RAX: variants seen among roughly 807,000 people sequenced by gnomAD.
The protein encoded by RAX is retinal homeobox protein Rx.
Under a neutral mutation model 17.4 loss-of-function variants are expected in RAX, and 11 were observed. That is an observed-to-expected ratio of 0.63 (90% CI 0.40 to 1.05). The LOEUF (loss-of-function observed/expected upper bound fraction) is 1.05, where lower values mean the gene tolerates loss of function less well. Ranked by LOEUF, RAX falls within the 50% of genes least tolerant of loss-of-function variation. RAX has a pLI of 0.00. For synonymous variants in RAX, 276 were observed against 254.7 expected, an observed-to-expected ratio of 1.08 and a Z score of -0.80; for missense variants, 527 against 501.1, an observed-to-expected ratio of 1.05 and a Z score of -0.49.
chr18:59,272,157 C>A (rs1433547769), intron 2 of RAX, among the ~76,000 whole-genome samples: 1 of 152,234 alleles, frequency 6.6e-6, no homozygotes, highest in Non-Finnish European at 1.5e-5. Flanking sequence ...AAGGGGAGCT[C>A]GTACTACAAA....
At position 59,268,679 on chromosome 18, in the gene RAX, A is replaced by C; in HGVS notation, c.*325T>G. ...GGGAATGGCCAAGTTTAGGAGCTTCAGCCTGTTTGGGCCTGGAGGCTCCAG... is the reference window on the plus strand; with the variant it reads ...GGGAATGGCCAAGTTTAGGAGCTTCCGCCTGTTTGGGCCTGGAGGCTCCAG... On this transcript the variant is annotated 3_prime_UTR_variant, in exon 3 of 3. Transcript: ENST00000334889. The surrounding 1 kb of genome is among the most constrained non-coding windows in gnomAD (Gnocchi z 4.4). 1 of 477,978 alleles carries C rather than the reference A, an allele frequency of 2.1e-6. No homozygotes were observed. Among genetic ancestry groups the C allele is most frequent in the Non-Finnish European group, 3.7e-6 (1 of 268,520 alleles). 29.6% of individuals were successfully genotyped at this position (477,978 alleles called of 1,614,324 possible).
At position 59,273,099 on chromosome 18, in the gene RAX, C is replaced by T; in HGVS notation, c.108G>A (p.Glu36=). The change falls in exon 1 of 3, where the codon GAG becomes GAA. Residue 36 remains glutamate (E), a synonymous_variant. Transcript: ENST00000334889. ...CGTCCTTGGTAAACCCCAGGATGGC[C>T]TCGATGCTGTGAAGTCGCGAGGTGC... ...GGSTSRLHSI[E]AILGFTKDDG... 1 of 1,535,136 alleles carries T rather than the reference C, an allele frequency of 6.5e-7. No homozygotes were observed. Among genetic ancestry groups the T allele is most frequent in the South Asian group, 1.2e-5 (1 of 84,034 alleles).
At position 59,273,102 on chromosome 18, in the gene RAX, G is replaced by C. The variant is rs758437978; in HGVS notation, c.105C>G (p.Ile35Met). Residue 35 changes from isoleucine to methionine, a missense_variant, in exon 1 of 3, where the codon ATC becomes ATG. Coordinates refer to ENST00000334889, the MANE Select transcript of RAX (RefSeq NM_013435.3). ...PGGSTSRLHS[I>M]EAILGFTKDD... Reference sequence around the variant, plus strand: ...CCTTGGTAAACCCCAGGATGGCCTCGATGCTGTGAAGTCGCGAGGTGCTCC... The same window carrying C: ...CCTTGGTAAACCCCAGGATGGCCTCCATGCTGTGAAGTCGCGAGGTGCTCC... 7 of 1,535,080 alleles carry C rather than the reference G, an allele frequency of 4.6e-6. No homozygotes were observed. The highest frequency in any genetic ancestry group is 6.1e-6 in the Non-Finnish European group (7 of 1,146,346).
chr18:59,267,842 T>C lies in RAX; in HGVS notation c.*1162A>G, dbSNP rs941798460. On this transcript the variant is annotated 3_prime_UTR_variant, in exon 3 of 3. Transcript: ENST00000334889. The stretch of plus-strand genomic sequence containing the variant: ...GCCGGCGCCAAAGAACTGCAGATAC[T>C]GTCCAGGGCACGCCCGCAAGAACTA... 1 of 152,126 alleles carries C rather than the reference T, an allele frequency of 6.6e-6. No homozygotes were observed. Among genetic ancestry groups the C allele is most frequent in the Non-Finnish European group, 1.5e-5 (1 of 68,022 alleles). The allele number at this position is 152,126 out of a possible 1,614,324, so 9.4% of individuals were successfully genotyped here.
rs2070285844 is a variant in RAX at position 59,267,252 on chromosome 18, T to C, written c.*1752A>G. On this transcript the variant is annotated 3_prime_UTR_variant, in exon 3 of 3. Coordinates refer to ENST00000334889, the MANE Select transcript of RAX (RefSeq NM_013435.3). ...GGGGTACACAGCCCTGGTTATGCAATAGCCTCTTAGACCCGCAGAGAAAGG... is the reference window on the plus strand; with the variant it reads ...GGGGTACACAGCCCTGGTTATGCAACAGCCTCTTAGACCCGCAGAGAAAGG... 1 of 152,220 alleles carries C rather than the reference T, an allele frequency of 6.6e-6. No individual in the cohort carries two copies. Among genetic ancestry groups the C allele is most frequent in the African/African-American group, 2.4e-5 (1 of 41,440 alleles). 9.4% of individuals were successfully genotyped at this position (152,220 alleles called of 1,614,324 possible).
Position 59,273,170 on chromosome 18 carries a change from C to G in RAX, c.37G>C (p.Gly13Arg), listed in dbSNP as rs936886267. Residue 13 changes from glycine to arginine, a missense_variant, in exon 1 of 3, where the codon GGG becomes CGG. Gly to Arg is a moderately radical substitution (Grantham distance 125). Transcript: ENST00000334889. ...LPGCAPAMAD[G>R]SFSLAGHLLR... ...AGGTGGCCGGCAAGCGAGAAGCTCC[C>G]GTCGGCCATGGCTGGCGCGCAGCCC... 29 of 1,532,168 alleles carry G rather than the reference C, an allele frequency of 1.9e-5. No individual in the cohort carries two copies. Among genetic ancestry groups the G allele is most frequent in the Admixed American group, 3.9e-5 (2 of 50,802 alleles). The allele number at this position is 1,532,168 out of a possible 1,614,324, so 94.9% of individuals were successfully genotyped here.
At position 59,268,856 on chromosome 18, in the gene RAX, G is replaced by A; in HGVS notation, c.*148C>T. The A allele has an allele frequency of 2.3e-6, 3 of 1,314,300 alleles. No individual in the cohort carries two copies. The highest frequency in any genetic ancestry group is 2.5e-5 in the East Asian group (1 of 39,890). The allele number at this position is 1,314,300 out of a possible 1,614,324, so 81.4% of individuals were successfully genotyped here. A position where few individuals can be genotyped will look rare whatever the true frequency, so the allele number is the denominator to read the frequency against. On this transcript the variant is annotated 3_prime_UTR_variant, in exon 3 of 3. Coordinates refer to ENST00000334889, the MANE Select transcript of RAX (RefSeq NM_013435.3). The surrounding 1 kb of genome is among the most constrained non-coding windows in gnomAD (Gnocchi z 4.4). ...CCTTCTCCCCGTGCATCGGGAGCAG[G>A]CGCGTGGCCCTGAACTATGCTTGGC...
chr18:59,272,134 AG>A (rs2070342458), intron 2 of RAX, among the ~76,000 whole-genome samples: 1 of 152,186 alleles, frequency 6.6e-6, no homozygotes, highest in South Asian at 2.1e-4. Flanking sequence ...AGTTTAGAAG[AG>A]GGAAACCCCC....
In RAX at chr18:59,269,185, G is replaced by T. The variant is rs1430587459; in HGVS notation, c.860C>A (p.Pro287Gln). Residue 287 changes from proline (P) to glutamine (Q), a missense_variant, in exon 3 of 3, where the codon CCG becomes CAG. By Grantham distance (76) the Pro-to-Gln change is moderately conservative. Transcript: ENST00000334889. ...PPPPPPFLNS[P>Q]PLGPGLQPLA... ...AGGTTGCAGGCCGGGGCCCAACGGC[G>T]GGGAGTTCAGGAAGGGCGGAGGCGG... 4.5e-6 allele frequency: 7 copies of T among 1,549,182 alleles called. No homozygotes were observed. The highest frequency in any genetic ancestry group is 2.7e-5 in the African/African-American group (2 of 73,304).
At position 59,273,246 on chromosome 18, in the gene RAX, G is replaced by A. The variant is rs1417986158; in HGVS notation, c.-40C>T. The A allele has an allele frequency of 6.6e-7, 1 of 1,511,078 alleles. No homozygotes were observed. The highest frequency in any genetic ancestry group is 2.5e-5 in the East Asian group (1 of 39,822). The allele number at this position is 1,511,078 out of a possible 1,614,324, so 93.6% of individuals were successfully genotyped here. On this transcript the variant is annotated 5_prime_UTR_variant, in exon 1 of 3. Transcript: ENST00000334889. The stretch of plus-strand genomic sequence containing the variant: ...GGCGGGAGGGCGCTTTGGAGACGGA[G>A]AGGAGAGGCTCGAAGCCGGGTCTTC...
rs1345163305 is a variant in RAX, at chr18:59,268,384, T to C, written c.*620A>G. 3 of 152,732 alleles carry C rather than the reference T, an allele frequency of 2.0e-5. No individual in the cohort carries two copies. Among genetic ancestry groups the C allele is most frequent in the Non-Finnish European group, 2.9e-5 (2 of 68,472 alleles). 9.5% of individuals were successfully genotyped at this position (152,732 alleles called of 1,614,324 possible). ...ATTCTCTGCTGCAGCGAAGTGTCCC[T>C]AGAATTTTCACAAGGAAACCCTGAG... On this transcript the variant is annotated 3_prime_UTR_variant, in exon 3 of 3. Transcript: ENST00000334889. The surrounding 1 kb of genome is among the most constrained non-coding windows in gnomAD (Gnocchi z 4.4).
chr18:59,273,401 A>G lies in RAX; in HGVS notation c.-195T>C. 1.6e-6 allele frequency: 1 copy of G among 610,476 alleles called. No homozygotes were observed. Among genetic ancestry groups the G allele is most frequent in the Non-Finnish European group, 2.7e-6 (1 of 371,014 alleles). 37.8% of individuals were successfully genotyped at this position (610,476 alleles called of 1,614,324 possible). On this transcript the variant is annotated 5_prime_UTR_variant, in exon 1 of 3. Transcript: ENST00000334889. ...CTGCCGCCTTAGTCCCAGAAGTCGG[A>G]AGTTCGGGCTCGGGGTAGCTGGGGC... is the stretch of plus-strand genomic sequence containing the variant.
rs1048333577 is a variant in RAX at position 59,269,310 on chromosome 18, G to A, written c.735C>T (p.Leu245=). 18 of 1,264,036 alleles carry A rather than the reference G, an allele frequency of 1.4e-5. No individual in the cohort carries two copies. In the African/African-American group the frequency reaches 2.0e-4, roughly 14 times the overall value. 78.3% of individuals were successfully genotyped at this position (1,264,036 alleles called of 1,614,324 possible). Residue 245 remains leucine, a synonymous_variant, in exon 3 of 3, where the codon CTC becomes CTT. Coordinates refer to ENST00000334889, the MANE Select transcript of RAX (RefSeq NM_013435.3). The stretch of plus-strand genomic sequence containing the variant: ...CGCCCCCGCCCGGCAGCGGCGGCCC[G>A]AGCCAGGACTCCAGCGGCAGCGCGC... ...AGGALPLESW[L]GPPLPGGGAT... is the part of the protein sequence containing the mutation.
Position 59,269,508 on chromosome 18 carries a change from G to A in RAX, c.544-7C>T, listed in dbSNP as rs769041045. ...GTCGGTTCTGGAACCACACCTGCAG[G>A]AGAGAGCACAGGGGCCGTCGGGCAG... On this transcript the variant is annotated splice_region_variant and splice_polypyrimidine_tract_variant and intron_variant, in intron 2 of 2. Coordinates refer to ENST00000334889, the MANE Select transcript of RAX (RefSeq NM_013435.3). 21 of 1,595,766 alleles carry A rather than the reference G, an allele frequency of 1.3e-5. No homozygotes were observed. In the African/African-American group the frequency reaches 1.7e-4, roughly 13 times the overall value.
rs774359550 is a variant in RAX at position 59,269,011 on chromosome 18, G to A, written c.1034C>T (p.Ala345Val). ...HIQAIGKPWQ[A>V]L Reference sequence around the variant, plus strand: ...AGACGTTCCCCAGTGCCCCTAGAGGGCCTGCCACGGCTTCCCGATGGCCTG... The same window carrying A: ...AGACGTTCCCCAGTGCCCCTAGAGGACCTGCCACGGCTTCCCGATGGCCTG... The change falls in exon 3 of 3, where the codon GCC (alanine) becomes GTC (valine). Residue 345 changes from alanine (A) to valine (V), a missense_variant. By Grantham distance (64) the Ala-to-Val change is moderately conservative. Coordinates refer to ENST00000334889, the MANE Select transcript of RAX (RefSeq NM_013435.3). 1.2e-6 allele frequency: 2 copies of A among 1,612,928 alleles called. No individual in the cohort carries two copies. Among genetic ancestry groups the A allele is most frequent in the Non-Finnish European group, 8.5e-7 (1 of 1,179,866 alleles).
rs1487999586 is a variant in RAX at position 59,268,912 on chromosome 18, C to A, written c.*92G>T. Reference sequence around the variant, plus strand: ...GCTGCAGGCGACAGGGAAAGAGGGGCCGAGCTGGGGAGGGGGGTTGTCCCT... The same window carrying A: ...GCTGCAGGCGACAGGGAAAGAGGGGACGAGCTGGGGAGGGGGGTTGTCCCT... On this transcript the variant is annotated 3_prime_UTR_variant, in exon 3 of 3. Transcript: ENST00000334889. The surrounding 1 kb of genome is among the most constrained non-coding windows in gnomAD (Gnocchi z 4.4). The A allele has an allele frequency of 1.6e-5, 25 of 1,594,166 alleles. No homozygotes were observed. In the South Asian group the frequency reaches 2.3e-4, roughly 15 times the overall value.
Position 59,272,394 on chromosome 18 carries a change from G to A in RAX, c.510C>T (p.Ala170=), listed in dbSNP as rs575686739. The part of the protein sequence containing the change: ...YPDVYSREEL[A]GKVNLPEVRV... ...GGACCTCTGGTAGGTTGACCTTGCC[G>A]GCCAGCTCCTCGCGGCTGTACACGT... is the stretch of plus-strand genomic sequence containing the variant. The change falls in exon 2 of 3, where the codon GCC becomes GCT. Residue 170 remains alanine (A), a synonymous_variant. Transcript: ENST00000334889. 32 of 1,614,232 alleles carry A rather than the reference G, an allele frequency of 2.0e-5. No individual in the cohort carries two copies. The highest frequency in any genetic ancestry group is 1.5e-4 in the African/African-American group (11 of 75,064).
chr18:59,269,665 TC>T (rs2070318632), intron 2 of RAX, among the ~76,000 whole-genome samples, 164 bp from the exon 3 acceptor site: 1 of 151,144 alleles, frequency 6.6e-6, no homozygotes, highest in South Asian at 2.1e-4. Flanking sequence ...CTTCCTTCCT[TC>T]CACCCACTCC....
In RAX at chr18:59,269,405, G is replaced by T; in HGVS notation, c.640C>A (p.Arg214Ser). ...LQDSPLLSFS[R>S]SPPSATLSPL... The stretch of plus-strand genomic sequence containing the variant: ...GACAGCGTCGCGGAGGGCGGGGAGC[G>T]GCTGAAGGAGAGGAGGGGCGAGTCC... The change falls in exon 3 of 3, where the codon CGC becomes AGC. Residue 214 changes from arginine to serine, a missense_variant. Physicochemically the swap from Arg to Ser is moderately radical, Grantham distance 110. Transcript: ENST00000334889. The T allele has an allele frequency of 6.5e-7, 1 of 1,547,624 alleles. No individual in the cohort carries two copies. The highest frequency in any genetic ancestry group is 8.7e-7 in the Non-Finnish European group (1 of 1,154,948).
Sources: allele counts gnomAD v4.1 joint callset (sites outside exome capture counted in the v4.1 genomes callset), GRCh38; gene constraint gnomAD v4.1.1; non-coding constraint Gnocchi (gnomAD v3.1); transcripts MANE v1.5; gene names NCBI Gene and HGNC (gene_info 2026-07-23, HGNC 2026-07-21).